Variants in DCAF6 observed in about 807,000 individuals in gnomAD.
DCAF6 encodes DDB1 and CUL4 associated factor 6.
Under a neutral mutation model 125.1 loss-of-function variants are expected in DCAF6, and 54 were observed. That is an observed-to-expected ratio of 0.43 (90% CI 0.35 to 0.54). The LOEUF is 0.54. Ranked by LOEUF, DCAF6 falls within the 20% of genes least tolerant of loss-of-function variation. DCAF6 has a pLI of 0.01. For missense variants in DCAF6, 934 were observed against 1,161.7 expected (o/e 0.80, Z 2.85); for synonymous variants, 371 against 390.4 (o/e 0.95, Z 0.58).
At chr1:167,939,497 T>G (rs929597642) in intron 1 of DCAF6, among the ~76,000 whole-genome samples, 1 of 152,202 alleles carries the variant, frequency 6.6e-6, no homozygotes, top group African/African-American at 2.4e-5. Flanking sequence ...GCGCGGTGGC[T>G]TACGCCTGGA....
In DCAF6 at chr1:168,071,809, C is replaced by T. The variant is rs1424894884; in HGVS notation, c.2791+3346C>T. On this transcript the variant is annotated intron_variant, in intron 21 of 21. Transcript: ENST00000367840. ...GGCCTTCAAGGTCCTACATGACATA[C>T]ATTCTGCCAACCTCTGACTTCCACT... 3.3e-5 allele frequency among the ~76,000 whole-genome samples: 5 copies of T among 152,248 alleles called. 1 individual carries two copies. The highest frequency in any genetic ancestry group is 4.1e-4 in the South Asian group (2 of 4,836).
intron 16 of DCAF6, among the ~76,000 whole-genome samples, chr1:168,049,159 TAA>T (rs1689509362): frequency 6.6e-6 from 1 of 152,178 alleles, no homozygotes; most frequent in South Asian, 2.1e-4. Flanking sequence ...ATGTCAAAAA[TAA>T]GTCTGACTTA....
chr1:168,058,386 A>G, intron 17 of DCAF6, among the ~76,000 whole-genome samples: 1 of 152,390 alleles, frequency 6.6e-6, no homozygotes, highest in Admixed American at 6.5e-5. Context: ...TAAATTAAAT[A>G]TAATATCTAA....
chr1:167,933,740 C>T (rs1670979721), upstream of DCAF6, among the ~76,000 whole-genome samples: 2 of 152,138 alleles, frequency 1.3e-5, no homozygotes, highest in African/African-American at 2.4e-5. Flanking sequence ...TTATTCAATA[C>T]TCATCAGTCA....
At chr1:167,965,149 T>G (rs1447596151) in intron 2 of DCAF6, among the ~76,000 whole-genome samples, 6 of 152,196 alleles carry the variant, frequency 3.9e-5, no homozygotes, top group Non-Finnish European at 8.8e-5. Flanking sequence ...TATAAATAGG[T>G]CCTTAGGAAT....
At chr1:167,919,184 G>C in the DCAF6 span, among the ~76,000 whole-genome samples, 1 of 152,094 alleles carries the variant, frequency 6.6e-6, no homozygotes, top group African/African-American at 2.4e-5. Flanking sequence ...CAGGCTATTG[G>C]GTTAACAGCC....
chr1:167,921,588 C>T, the DCAF6 span, among the ~76,000 whole-genome samples: 1 of 152,118 alleles, frequency 6.6e-6, no homozygotes, highest in Non-Finnish European at 1.5e-5. Flanking sequence ...GTGTTTTTAA[C>T]ACTGTCTCTA....
At chr1:168,046,904 T>C (rs946807391) in intron 16 of DCAF6, among the ~76,000 whole-genome samples, 9 of 152,110 alleles carry the variant, frequency 5.9e-5, no homozygotes, top group African/African-American at 2.2e-4. Context: ...AGGTCATAAT[T>C]GAAAATTAAA....
intron 2 of DCAF6, among the ~76,000 whole-genome samples, chr1:167,953,109 T>A (rs971738599): frequency 6.6e-6 from 1 of 152,220 alleles, no homozygotes; most frequent in African/African-American, 2.4e-5. Context: ...ATTGACTGTT[T>A]TTTCGGTATT....
chr1:167,942,902 A>G (rs1672466722), intron 1 of DCAF6, among the ~76,000 whole-genome samples: 1 of 151,872 alleles, frequency 6.6e-6, no homozygotes, highest in African/African-American at 2.4e-5. Context: ...CTAGTGTGAT[A>G]CTTTAAACTT....
At chr1:167,868,062 C>A in the DCAF6 span, among the ~76,000 whole-genome samples, 5 of 152,102 alleles carry the variant, frequency 3.3e-5, no homozygotes, top group African/African-American at 1.2e-4. Context: ...AGAGTAAATA[C>A]CTTAGTAAAA....
intron 5 of DCAF6, among the ~76,000 whole-genome samples, chr1:167,988,128 A>C (rs948314412): frequency 1.3e-5 from 2 of 151,750 alleles, no homozygotes; most frequent in African/African-American, 4.9e-5. Context: ...TATCTCTACT[A>C]TCAGTTTCTT....
chr1:167,878,375 G>T, the DCAF6 span: 1 of 1,530,650 alleles, frequency 6.5e-7, no homozygotes, highest in Non-Finnish European at 9.0e-7. Flanking sequence ...TTAAATGGGT[G>T]ACTGCTTTGC....
intron 4 of DCAF6, among the ~76,000 whole-genome samples, chr1:167,986,202 A>T (rs747138510): frequency 2.0e-5 from 3 of 152,226 alleles, no homozygotes; most frequent in Non-Finnish European, 2.9e-5. Flanking sequence ...TACATGCCCC[A>T]TGCAGGCGTT....
At position 167,936,712 on chromosome 1, in the gene DCAF6, T is replaced by A; in HGVS notation, c.-200T>A. The A allele has an allele frequency of 1.7e-6, 1 of 581,914 alleles. No homozygotes were observed. The allele number at this position is 581,914 out of a possible 1,614,324, so 36.0% of individuals were successfully genotyped here. A position where few individuals can be genotyped will look rare whatever the true frequency, so the allele number is the denominator to read the frequency against. The stretch of plus-strand genomic sequence containing the variant: ...GTTCTGGTTAGTCTAAGAAGGAGAG[T>A]ATGAGGCGAGCTCCGGCCCGGGTGC... On this transcript the variant is annotated 5_prime_UTR_variant, in exon 1 of 22. Coordinates refer to ENST00000367840, the MANE Select transcript of DCAF6 (RefSeq NM_001198956.2).
At chr1:167,917,733 T>C in the DCAF6 span, 1 of 152,226 alleles carries the variant, frequency 6.6e-6, no homozygotes, top group Non-Finnish European at 1.5e-5. Context: ...ACACTTATCA[T>C]GGACCAGGCA....
the DCAF6 span, among the ~76,000 whole-genome samples, chr1:167,888,875 CAAAAAAAAAAAAAAAGA>C: frequency 1.1e-5 from 1 of 94,184 alleles, no homozygotes; most frequent in Non-Finnish European, 2.0e-5. Context: ...GACTCCGTCT[CAAAAAAAAAAAAAAAGA>C]AAAAGAAAGA....
chr1:167,935,943 C>A, upstream of DCAF6: 2 of 876,108 alleles, frequency 2.3e-6, no homozygotes, highest in South Asian at 1.5e-5. Context: ...CACGACGACT[C>A]GCGTCCGCCT....
chr1:167,895,104 C>T, the DCAF6 span, among the ~76,000 whole-genome samples: 6 of 150,922 alleles, frequency 4.0e-5, no homozygotes, highest in African/African-American at 1.5e-4. Context: ...ATCGCTTGAA[C>T]CCGGGAGGCA....
Sources: gnomAD v4.1 joint callset for allele counts (sites outside exome capture counted in the v4.1 genomes callset) on GRCh38, gnomAD v4.1.1 for gene constraint, MANE v1.5 for transcripts, NCBI Gene and HGNC (gene_info 2026-07-23, HGNC 2026-07-21) for gene names.